Variants in PCDHA5 observed in about 807,000 individuals in gnomAD.
The protein encoded by PCDHA5 is protocadherin alpha 5.
A neutral mutation model predicts 61.6 loss-of-function variants in PCDHA5; 43 were observed. That is an observed-to-expected ratio of 0.70 (90% CI 0.55 to 0.90). PCDHA5 has a LOEUF of 0.90. Among genes scored for constraint, PCDHA5 ranks in the 40% least tolerant of loss-of-function variants. PCDHA5 has a pLI of 0.00. For missense variants in PCDHA5, 1,298 were observed against 1,222.7 expected, an observed-to-expected ratio of 1.06 and a Z score of -0.92; for synonymous variants, 627 against 543.9, an observed-to-expected ratio of 1.15 and a Z score of -2.13.
intron 1 of PCDHA5, chr5:140,881,269 G>T (rs1016077757): frequency 3.1e-6 from 2 of 648,656 alleles, no homozygotes; most frequent in Non-Finnish European, 1.9e-6. Context: ...CAGTGATGAT[G>T]AAGTAAGATG....
intron 1 of PCDHA5, chr5:140,969,437 T>C (rs1429370144): frequency 1.8e-5 from 28 of 1,547,818 alleles, no homozygotes; most frequent in Non-Finnish European, 2.4e-5. Context: ...ACAAGAGTTA[T>C]CTGGTAAACT....
chr5:140,823,336 C>T lies in PCDHA5; in HGVS notation c.1561C>T (p.Pro521Ser). 2.5e-6 allele frequency: 4 copies of T among 1,612,212 alleles called. No homozygotes were observed. The highest frequency in any genetic ancestry group is 2.5e-6 in the Non-Finnish European group (3 of 1,179,740). ...AESGKVYALQ[P>S]LDHEEVELLQ... ...GAGCGGCAAGGTGTACGCGCTGCAG[C>T]CGCTGGACCACGAGGAAGTGGAGCT... The change falls in exon 1 of 4, where the codon CCG (proline) becomes TCG (serine). Residue 521 changes from proline (P) to serine (S), a missense_variant. Physicochemically the swap from Pro to Ser is moderately conservative, Grantham distance 74. Coordinates refer to ENST00000529859, the MANE Select transcript of PCDHA5 (RefSeq NM_018908.3).
chr5:140,840,849 C>G (rs1369023215), intron 1 of PCDHA5, among the ~76,000 whole-genome samples: 2 of 151,942 alleles, frequency 1.3e-5, no homozygotes, highest in Non-Finnish European at 2.9e-5. Context: ...TGCATTTCTT[C>G]CACACGAAAC....
In PCDHA5 at chr5:140,846,504, A is replaced by G. The variant is rs910263180; in HGVS notation, c.2352+22377A>G. ...ATTCTCCTTCCTCAGCCTCCCAAGT[A>G]GCTGGGATTACAGGTGCATGCCACC... is the stretch of plus-strand genomic sequence containing the variant. On this transcript the variant is annotated intron_variant, in intron 1 of 3. Coordinates refer to ENST00000529859, the MANE Select transcript of PCDHA5 (RefSeq NM_018908.3). Among the ~76,000 whole-genome samples the G allele has an allele frequency of 1.4e-5, 2 of 146,302 alleles. 1 individual carries two copies. Among genetic ancestry groups the G allele is most frequent in the Non-Finnish European group, 3.0e-5 (2 of 66,038 alleles).
At position 140,848,714 on chromosome 5, in the gene PCDHA5, C is replaced by A. The variant is rs2150418580; in HGVS notation, c.2352+24587C>A. On this transcript the variant is annotated intron_variant, in intron 1 of 3. Transcript: ENST00000529859. ...AGTTGGATTCCAAAGGCCGCGGGGA[C>A]CTTCTGGAGGTAAATCTGCAGAATG... 5.0e-6 allele frequency: 8 copies of A among 1,592,122 alleles called. 1 individual carries two copies. Among genetic ancestry groups the A allele is most frequent in the Non-Finnish European group, 6.0e-6 (7 of 1,163,208 alleles).
intron 1 of PCDHA5, among the ~76,000 whole-genome samples, chr5:140,936,396 A>G (rs983509296): frequency 1.4e-4 from 22 of 152,112 alleles, no homozygotes; most frequent in African/African-American, 5.3e-4. Flanking sequence ...AAACTGGGCT[A>G]CTCAATTTTT....
chr5:140,855,092 T>A (rs2043336220), intron 1 of PCDHA5, among the ~76,000 whole-genome samples: 1 of 149,960 alleles, frequency 6.7e-6, no homozygotes, highest in Admixed American at 6.7e-5. Context: ...TCTCAGCCTG[T>A]GCAGTAGCAA....
chr5:141,010,353 G>T lies in PCDHA5; in HGVS notation c.*416G>T. On this transcript the variant is annotated 3_prime_UTR_variant, in exon 4 of 4. Transcript: ENST00000529859. Reference sequence around the variant, plus strand: ...AGTTTGTGGCCACTGGGTATGTGTGGCTACCGCGGGTATGCGAGTGCCAGA... The same window carrying T: ...AGTTTGTGGCCACTGGGTATGTGTGTCTACCGCGGGTATGCGAGTGCCAGA... The T allele has an allele frequency of 6.6e-7, 1 of 1,507,486 alleles. No homozygotes were observed. Among genetic ancestry groups the T allele is most frequent in the Non-Finnish European group, 8.9e-7 (1 of 1,128,244 alleles). 93.4% of individuals were successfully genotyped at this position (1,507,486 alleles called of 1,614,324 possible).
rs1562832308 is a variant in PCDHA5 at position 140,887,757 on chromosome 5, CAT to C, written c.2352+63633_2352+63634del. 3.3e-5 allele frequency among the ~76,000 whole-genome samples: 5 copies of C among 152,284 alleles called. No homozygotes were observed. In the East Asian group the frequency reaches 9.6e-4, roughly 29 times the overall value. On this transcript the variant is annotated intron_variant, in intron 1 of 3. Transcript: ENST00000529859. ...CATCCTTTCTGAGACTCCAGTAACA[CAT>C]ATGTTACAATGACACAGGTCATTGA...
intron 1 of PCDHA5, among the ~76,000 whole-genome samples, chr5:140,902,203 C>CTTTTTTTTTTTTT (rs148688132): frequency 8.0e-6 from 1 of 124,460 alleles, no homozygotes; most frequent in African/African-American, 3.1e-5. Context: ...CTCTCTCTTT[C>CTTTTTTTTTTTTT]TTTTTTTTTT....
At chr5:140,828,836 G>A (rs1554131583) in intron 1 of PCDHA5, 19 of 1,614,108 alleles carry the variant, frequency 1.2e-5, no homozygotes, top group Non-Finnish European at 1.5e-5. Context: ...TGAATACGAA[G>A]TAAGAATATT....
intron 1 of PCDHA5, chr5:140,851,289 A>G (rs987859417): frequency 9.6e-7 from 1 of 1,037,038 alleles, no homozygotes; most frequent in South Asian, 4.4e-5. Flanking sequence ...AAGAAACCCA[A>G]GCAAAAATAT....
intron 1 of PCDHA5, chr5:140,852,134 G>A: frequency 3.4e-6 from 3 of 887,872 alleles, no homozygotes; most frequent in Non-Finnish European, 4.1e-6. Flanking sequence ...AAACTCAGTA[G>A]AGAAAGATCA....
chr5:140,923,209 G>C (rs1454479273), intron 1 of PCDHA5, among the ~76,000 whole-genome samples: 3 of 150,998 alleles, frequency 2.0e-5, no homozygotes, highest in Non-Finnish European at 4.4e-5. Flanking sequence ...GGAGGCTAAG[G>C]TGAAAGGATC....
In PCDHA5 at chr5:140,869,280, G is replaced by A. The variant is rs1294171258; in HGVS notation, c.2352+45153G>A. 8 of 1,613,486 alleles carry A rather than the reference G, an allele frequency of 5.0e-6. No individual in the cohort carries two copies. In the African/African-American group the frequency reaches 8.0e-5, roughly 16 times the overall value. On this transcript the variant is annotated intron_variant, in intron 1 of 3. Transcript: ENST00000529859. ...ACCTGGGGCTGGAGCTGGCGGAGCT[G>A]GTGCAGCGCCTGTTCCGGGTGGCGT...
At chr5:140,944,818 T>G (rs1490682721) in intron 1 of PCDHA5, among the ~76,000 whole-genome samples, 1 of 152,236 alleles carries the variant, frequency 6.6e-6, no homozygotes, top group East Asian at 1.9e-4. Context: ...CAGTGATCTT[T>G]GCCCCATAAT....
intron 1 of PCDHA5, among the ~76,000 whole-genome samples, chr5:140,892,143 C>T (rs983937899): frequency 3.3e-5 from 5 of 152,262 alleles, no homozygotes; most frequent in African/African-American, 9.6e-5. Flanking sequence ...ATGGTTTTAG[C>T]GTCTATTTCT....
At chr5:140,829,374 G>C in intron 1 of PCDHA5, 2 of 1,614,224 alleles carry the variant, frequency 1.2e-6, no homozygotes, top group Non-Finnish European at 1.7e-6. Flanking sequence ...GTAACCGCGC[G>C]GGACGGGGGC....
chr5:140,961,255 C>G (rs1446798989), intron 1 of PCDHA5, among the ~76,000 whole-genome samples: 1 of 152,164 alleles, frequency 6.6e-6, no homozygotes, highest in African/African-American at 2.4e-5. Context: ...TCCGAAGCTC[C>G]AGGAAGCTTC....
Sources: allele counts gnomAD v4.1 joint callset (sites outside exome capture counted in the v4.1 genomes callset), GRCh38; gene constraint gnomAD v4.1.1; transcripts MANE v1.5; gene names NCBI Gene and HGNC (gene_info 2026-07-23, HGNC 2026-07-21).